Variants in HGF observed in about 807,000 individuals in gnomAD.
HGF encodes the protein hepatocyte growth factor.
Under a neutral mutation model 111.6 loss-of-function variants are expected in HGF, and 39 were observed. The observed-to-expected ratio is 0.35, with a 90% CI of 0.27 to 0.46. The LOEUF (loss-of-function observed/expected upper bound fraction) is 0.46, where lower values mean the gene tolerates loss of function less well. Ranked by LOEUF, HGF falls within the 20% of genes least tolerant of loss-of-function variation. The pLI is 1.00. For synonymous variants in HGF, 285 were observed against 294.8 expected (o/e 0.97, Z 0.34); for missense variants, 735 against 910.5 (o/e 0.81, Z 2.48).
chr7:81,705,060 T>A (rs1789385997), intron 17 of HGF, among the ~76,000 whole-genome samples: 1 of 151,802 alleles, frequency 6.6e-6, no homozygotes, highest in Non-Finnish European at 1.5e-5. Flanking sequence ...TAAAATAAAT[T>A]TAGAAAAACA....
At chr7:81,727,228 A>C (rs1790041431) in intron 8 of HGF, among the ~76,000 whole-genome samples, 1 of 148,388 alleles carries the variant, frequency 6.7e-6, no homozygotes, top group Non-Finnish European at 1.5e-5. Flanking sequence ...TTTTTTTAGT[A>C]GAGACAGGGT....
intron 8 of HGF, among the ~76,000 whole-genome samples, chr7:81,726,857 A>C (rs1583946832): frequency 6.6e-6 from 1 of 151,988 alleles, no homozygotes; most frequent in East Asian, 1.9e-4. Context: ...TTTCATAATA[A>C]ATAAAATTTA....
At chr7:81,749,976 G>T (rs1271176106) in intron 5 of HGF, among the ~76,000 whole-genome samples, 1 of 151,860 alleles carries the variant, frequency 6.6e-6, no homozygotes, top group African/African-American at 2.4e-5. Flanking sequence ...CTTTATAGTT[G>T]CTACCTTAGC....
At chr7:81,728,190 A>G (rs1426243569) in intron 8 of HGF, among the ~76,000 whole-genome samples, 1 of 152,228 alleles carries the variant, frequency 6.6e-6, no homozygotes, top group Non-Finnish European at 1.5e-5. Flanking sequence ...TATCAGTTTT[A>G]TAACACCGCA....
chr7:81,763,337 G>A (rs767676702), intron 1 of HGF, among the ~76,000 whole-genome samples: 11 of 152,232 alleles, frequency 7.2e-5, no homozygotes, highest in African/African-American at 2.6e-4. Context: ...AAACTGTACA[G>A]TGGACAAATT....
intron 7 of HGF, among the ~76,000 whole-genome samples, chr7:81,730,187 G>A (rs5745684): frequency 0.77 from 117,278 of 152,068 alleles, 45,420 homozygotes; most frequent in Middle Eastern, 0.88. Flanking sequence ...GGTGGCTTAT[G>A]CCTGTAATCC....
chr7:81,731,084 T>TAGTTGAATGCTTTATTTCATTGCATTCTA (rs1787638912), intron 7 of HGF, among the ~76,000 whole-genome samples: 8 of 152,326 alleles, frequency 5.3e-5, no homozygotes, highest in African/African-American at 1.7e-4. Context: ...CTTATGTAGT[T>TAGTTGAATGCTTTATTTCATTGCATTCTA]AGTTGAATGC....
chr7:81,738,005 A>G (rs1238063974), intron 7 of HGF, among the ~76,000 whole-genome samples: 1 of 152,086 alleles, frequency 6.6e-6, no homozygotes, highest in Non-Finnish European at 1.5e-5. Flanking sequence ...GCATGTTCTT[A>G]CTTAAAGTGG....
chr7:81,758,022 C>T (rs1788869767), intron 3 of HGF, among the ~76,000 whole-genome samples: 1 of 151,902 alleles, frequency 6.6e-6, no homozygotes, highest in Admixed American at 6.6e-5. Context: ...AACTTGAAAA[C>T]ATCTATATAT....
intron 5 of HGF, among the ~76,000 whole-genome samples, chr7:81,746,565 A>T (rs930161135): frequency 6.6e-6 from 1 of 152,186 alleles, no homozygotes; most frequent in African/African-American, 2.4e-5. Flanking sequence ...GTTGGATGAA[A>T]TGTACAATAG....
intron 5 of HGF, 96 bp from the exon 6 acceptor site, chr7:81,745,216 G>T (rs1788188490): frequency 2.2e-6 from 3 of 1,345,608 alleles, no homozygotes; most frequent in South Asian, 1.2e-5. Flanking sequence ...TTAGTAAACA[G>T]ATTTTTAAAA....
chr7:81,731,400 A>G (rs1344789996), intron 7 of HGF, among the ~76,000 whole-genome samples: 1 of 152,198 alleles, frequency 6.6e-6, no homozygotes, highest in Non-Finnish European at 1.5e-5. Context: ...TGACCCATAA[A>G]GTGGTAACTG....
chr7:81,728,412 A>G (rs1790075585), intron 8 of HGF, among the ~76,000 whole-genome samples: 1 of 152,208 alleles, frequency 6.6e-6, no homozygotes, highest in Non-Finnish European at 1.5e-5. Context: ...CTTATTGGGT[A>G]TTACTAGTCA....
chr7:81,717,454 T>C, intron 10 of HGF, 89 bp from the exon 11 acceptor site: 1 of 1,237,950 alleles, frequency 8.1e-7, no homozygotes, highest in Admixed American at 1.7e-5. Context: ...TCTCAGCACA[T>C]TACTTTCACT....
In HGF at chr7:81,742,527, A is replaced by G. The variant is rs77872087; in HGVS notation, c.865+826T>C. ...TATTATACCTTACTAAATTTATGCA[A>G]TTCTATTGATTTTAAAGAATTTTAA... On this transcript the variant is annotated intron_variant, in intron 7 of 17. Transcript: ENST00000222390. Among the ~76,000 whole-genome samples, 13 of 152,304 alleles carry G rather than the reference A, an allele frequency of 8.5e-5. 1 individual carries two copies. The East Asian group carries it at 9.6e-4, about 11-fold the overall frequency.
At position 81,751,169 on chromosome 7, in the gene HGF, T is replaced by A. The variant is rs1788480692; in HGVS notation, c.625+951A>T. On this transcript the variant is annotated intron_variant, in intron 5 of 17. Transcript: ENST00000222390. ...ATGGAGGAAATATTTTTAAAAATAT[T>A]TGGTTAATAACAAACAGGTAAGATA... 3.3e-6 allele frequency: 3 copies of A among 906,462 alleles called. No individual in the cohort carries two copies. In the South Asian group the frequency reaches 1.5e-4, roughly 46 times the overall value. 56.2% of individuals were successfully genotyped at this position (906,462 alleles called of 1,614,324 possible).
chr7:81,720,764 T>C lies in HGF; in HGVS notation c.1252A>G (p.Asn418Asp). Residue 418 changes from asparagine (N) to aspartate (D), a missense_variant, in exon 10 of 18, where the codon AAC (asparagine) becomes GAC (aspartate). Coordinates refer to ENST00000222390, the MANE Select transcript of HGF (RefSeq NM_000601.6). Reference protein sequence around the residue: ...SGLTCSMWDKNMEDLHRHIFW... With the variant: ...SGLTCSMWDKDMEDLHRHIFW... ...ACACACCGATGTAAGTCTTCCATGT[T>C]CTTGTCCCACATTGAACATGTTAGT... The C allele has an allele frequency of 6.2e-7, 1 of 1,610,832 alleles. No homozygotes were observed. Among genetic ancestry groups the C allele is most frequent in the African/African-American group, 1.3e-5 (1 of 74,972 alleles).
chr7:81,736,601 T>C (rs545466576), intron 7 of HGF: 4 of 402,294 alleles, frequency 9.9e-6, no homozygotes, highest in Non-Finnish European at 2.0e-5. Context: ...CATAACTTAG[T>C]TGAAATGTGA....
chr7:81,757,475 A>G (rs569497562), intron 3 of HGF, among the ~76,000 whole-genome samples, 172 bp from the exon 4 acceptor site: 2 of 152,320 alleles, frequency 1.3e-5, no homozygotes, highest in East Asian at 3.9e-4. Flanking sequence ...ACATTTCTGA[A>G]TAATCCAAAA....
Sources: gnomAD v4.1 joint callset for allele counts (sites outside exome capture counted in the v4.1 genomes callset) on GRCh38, gnomAD v4.1.1 for gene constraint, MANE v1.5 for transcripts, NCBI Gene and HGNC (gene_info 2026-07-23, HGNC 2026-07-21) for gene names.